The following CNTNAP4 variants were observed in gnomAD, a reference collection of about 807,000 sequenced individuals.
CNTNAP4 encodes contactin-associated protein-like 4.
Under a neutral mutation model 148.4 loss-of-function variants are expected in CNTNAP4, and 98 were observed. The observed-to-expected ratio is 0.66, with a 90% confidence interval of 0.56 to 0.78. CNTNAP4 has a LOEUF of 0.78. Among genes scored for constraint, CNTNAP4 ranks in the 30% least tolerant of loss-of-function variants. The pLI, the probability that CNTNAP4 is intolerant of heterozygous loss-of-function variation, is 0.00. For synonymous variants in CNTNAP4, 730 were observed against 565.1 expected (o/e 1.29, Z -4.14); for missense variants, 1,935 against 1,565.6 (o/e 1.24, Z -3.98).
intron 4 of CNTNAP4, among the ~76,000 whole-genome samples, chr16:76,445,725 A>G (rs967826956): frequency 6.6e-6 from 1 of 152,212 alleles, no homozygotes; most frequent in Non-Finnish European, 1.5e-5. Context: ...AAGTAACACA[A>G]GCTAAACCTT....
At chr16:76,541,448 A>G (rs946462382) in intron 21 of CNTNAP4, among the ~76,000 whole-genome samples, 6 of 152,188 alleles carry the variant, frequency 3.9e-5, no homozygotes, top group African/African-American at 1.2e-4. Flanking sequence ...TTTAATAGAT[A>G]TTTATTTTTT....
chr16:76,296,359 A>G (rs1439406932), intron 1 of CNTNAP4, among the ~76,000 whole-genome samples: 1 of 152,210 alleles, frequency 6.6e-6, no homozygotes, highest in Non-Finnish European at 1.5e-5. Context: ...GATTAAATAC[A>G]TCTGCCTTAT....
chr16:76,498,367 G>A (rs2082479417), intron 14 of CNTNAP4, among the ~76,000 whole-genome samples, 200 bp from the exon 15 acceptor site: 1 of 146,086 alleles, frequency 6.8e-6, no homozygotes, highest in Non-Finnish European at 1.5e-5. Flanking sequence ...ACTCCAGCCT[G>A]GGAGACAGAG....
At chr16:76,375,043 A>G (rs2015279737) in intron 3 of CNTNAP4, among the ~76,000 whole-genome samples, 1 of 152,102 alleles carries the variant, frequency 6.6e-6, no homozygotes, top group Non-Finnish European at 1.5e-5. Flanking sequence ...TGCTGGGATT[A>G]CAGGCGTCAG....
rs535721654 is a variant in CNTNAP4, at chr16:76,351,380, C to T, written c.197-3938C>T. On this transcript the variant is annotated intron_variant, in intron 2 of 23. Coordinates refer to ENST00000611870, the MANE Select transcript of CNTNAP4 (RefSeq NM_033401.5). ...GGCTGGCCCAAAAAAAAAAAAAATT[C>T]TGCAAAGAATAATCAATTTATCTCT... Among the ~76,000 whole-genome samples, 5 of 151,712 alleles carry T rather than the reference C, an allele frequency of 3.3e-5. No individual in the cohort carries two copies. The South Asian group carries it at 1.0e-3, about 32-fold the overall frequency.
chr16:76,315,912 C>T (rs1009085398), intron 1 of CNTNAP4, among the ~76,000 whole-genome samples: 2 of 152,032 alleles, frequency 1.3e-5, no homozygotes, highest in African/African-American at 2.4e-5. Flanking sequence ...GAAGTCTGAT[C>T]GTGCCTTGTG....
At chr16:76,444,358 T>C (rs1194350734) in intron 4 of CNTNAP4, among the ~76,000 whole-genome samples, 1 of 152,166 alleles carries the variant, frequency 6.6e-6, no homozygotes, top group Non-Finnish European at 1.5e-5. Context: ...TTAAATAATC[T>C]TTACCTGTTA....
chr16:76,451,828 C>T (rs116934686), intron 7 of CNTNAP4, among the ~76,000 whole-genome samples: 1,961 of 151,906 alleles, frequency 0.013, 12 homozygotes, highest in Middle Eastern at 0.038. Context: ...CACAGTAGGG[C>T]GACTATAGTT....
chr16:76,359,790 T>G (rs1361664279), intron 3 of CNTNAP4, among the ~76,000 whole-genome samples: 1 of 152,206 alleles, frequency 6.6e-6, no homozygotes, highest in Non-Finnish European at 1.5e-5. Flanking sequence ...ACATCTATAA[T>G]AAAAAGGTTC....
At chr16:76,323,047 A>C (rs1962594542) in intron 2 of CNTNAP4, among the ~76,000 whole-genome samples, 1 of 151,974 alleles carries the variant, frequency 6.6e-6, no homozygotes, top group South Asian at 2.1e-4. Flanking sequence ...GGGTTTCACC[A>C]TGTTGGCAAG....
chr16:76,510,790 C>T (rs963232187), intron 15 of CNTNAP4, among the ~76,000 whole-genome samples: 2 of 152,090 alleles, frequency 1.3e-5, no homozygotes, highest in African/African-American at 4.8e-5. Flanking sequence ...TGCCTATTGC[C>T]TTAACACTTC....
intron 21 of CNTNAP4, 28 bp downstream of exon 21, chr16:76,540,818 A>T: frequency 6.9e-7 from 1 of 1,456,486 alleles, no homozygotes; most frequent in South Asian, 1.2e-5. Context: ...CCTTTCCCCT[A>T]ACCATGCTAA....
At chr16:76,468,067 T>TGGTATTG (rs2081240318) in intron 10 of CNTNAP4, among the ~76,000 whole-genome samples, 2 of 152,260 alleles carry the variant, frequency 1.3e-5, no homozygotes, top group South Asian at 4.1e-4. Flanking sequence ...CTTGGGGTTG[T>TGGTATTG]GGTATTGATC....
At chr16:76,538,032 G>A in intron 18 of CNTNAP4, 84 bp from the exon 19 acceptor site, 1 of 581,206 alleles carries the variant, frequency 1.7e-6, no homozygotes, top group Non-Finnish European at 2.6e-6. Flanking sequence ...ATTCATTAAA[G>A]AAACTAAAAT....
At chr16:76,542,928 T>C (rs1409794072) in intron 21 of CNTNAP4, among the ~76,000 whole-genome samples, 1 of 152,156 alleles carries the variant, frequency 6.6e-6, no homozygotes. Context: ...ATTCAACATA[T>C]TATAAAACAA....
At chr16:76,549,965 A>G (rs2084894876) in intron 21 of CNTNAP4, among the ~76,000 whole-genome samples, 1 of 152,216 alleles carries the variant, frequency 6.6e-6, no homozygotes, top group Non-Finnish European at 1.5e-5. Context: ...AGGGCTTATC[A>G]TGTTCTATGC....
intron 12 of CNTNAP4, among the ~76,000 whole-genome samples, chr16:76,484,758 C>T (rs2081965414): frequency 6.6e-6 from 1 of 152,146 alleles, no homozygotes; most frequent in African/African-American, 2.4e-5. Context: ...GGAAGAGTTA[C>T]CTTCTATCAA....
At chr16:76,498,774 C>G in intron 15 of CNTNAP4, 80 bp downstream of exon 15, 2 of 1,347,742 alleles carry the variant, frequency 1.5e-6, no homozygotes, top group Non-Finnish European at 2.0e-6. Context: ...CATCACGTTT[C>G]TATCATATAA....
At chr16:76,466,123 G>T (rs573204077) in intron 9 of CNTNAP4, among the ~76,000 whole-genome samples, 15 of 152,044 alleles carry the variant, frequency 9.9e-5, no homozygotes, top group Admixed American at 7.2e-4. Context: ...TCTAGTCTCC[G>T]TTCCGTGGGT....
Sources: gnomAD v4.1 joint callset for allele counts (sites outside exome capture counted in the v4.1 genomes callset) on GRCh38, gnomAD v4.1.1 for gene constraint, MANE v1.5 for transcripts, NCBI Gene and HGNC (gene_info 2026-07-23, HGNC 2026-07-21) for gene names.